Variants in SUPT3H observed in about 807,000 individuals in gnomAD.
SUPT3H encodes transcription initiation protein SPT3 homolog.
SUPT3H carries 44 observed loss-of-function variants against 44.3 expected under a neutral mutation model. The ratio of observed to expected loss-of-function variants is 0.99; its 90% CI spans 0.78 to 1.28. The LOEUF (loss-of-function observed/expected upper bound fraction) is 1.28. Among genes scored for constraint, SUPT3H ranks in the 50% most tolerant of loss-of-function variants. The pLI is 0.00. For synonymous variants in SUPT3H, 124 were observed against 125.6 expected (o/e 0.99, Z 0.09); for missense variants, 380 against 387.1 (o/e 0.98, Z 0.15).
chr6:45,341,727 A>G (rs1449636792), intron 2 of SUPT3H, among the ~76,000 whole-genome samples: 3 of 152,230 alleles, frequency 2.0e-5, no homozygotes, highest in Non-Finnish European at 4.4e-5. Flanking sequence ...AGCAGTAGCA[A>G]TATTATTACA....
chr6:44,998,750 GTCT>G (rs1412114522), intron 6 of SUPT3H, among the ~76,000 whole-genome samples: 3 of 151,748 alleles, frequency 2.0e-5, no homozygotes, highest in African/African-American at 7.3e-5. Context: ...TTAATTATAT[GTCT>G]TCTTTTTATT....
At chr6:44,889,632 A>C (rs1762947220) in intron 10 of SUPT3H, among the ~76,000 whole-genome samples, 1 of 152,206 alleles carries the variant, frequency 6.6e-6, no homozygotes, top group African/African-American at 2.4e-5. Context: ...TAAAGACTTA[A>C]ACGTTAGACC....
rs1774808557 is a variant in SUPT3H, at chr6:44,954,475, T to C, written c.693+20A>G. The C allele has an allele frequency of 2.6e-6, 4 of 1,563,442 alleles. No homozygotes were observed. Among genetic ancestry groups the C allele is most frequent in the Non-Finnish European group, 3.5e-6 (4 of 1,133,748 alleles). ...AAAAACCAGCCAGTGTGGCCCGATA[T>C]GACAGATTAGAATTCTTACCTGTGC... On this transcript the variant is annotated intron_variant, in intron 8 of 10. Transcript: ENST00000371459.
chr6:45,235,266 T>C (rs1162442336), intron 2 of SUPT3H, among the ~76,000 whole-genome samples: 2 of 152,260 alleles, frequency 1.3e-5, no homozygotes, highest in Admixed American at 6.5e-5. Flanking sequence ...TAAACACTTA[T>C]GAATAATTCT....
At chr6:44,950,697 G>C (rs1307158411) in intron 9 of SUPT3H, among the ~76,000 whole-genome samples, 1 of 151,844 alleles carries the variant, frequency 6.6e-6, no homozygotes, top group Non-Finnish European at 1.5e-5. Flanking sequence ...TATATGGTTA[G>C]TGCTCAAGAA....
At chr6:44,812,128 A>G (rs1766574116) in intron 11 of SUPT3H, among the ~76,000 whole-genome samples, 1 of 152,262 alleles carries the variant, frequency 6.6e-6, no homozygotes, top group African/African-American at 2.4e-5. Flanking sequence ...CAAATTTAGT[A>G]GCATAAATAC....
In SUPT3H at chr6:44,827,845, GTT is replaced by G. The variant is rs869131900; in HGVS notation, c.*1969_*1970del. Among the ~76,000 whole-genome samples the G allele has an allele frequency of 1.5e-5, 2 of 136,852 alleles. No individual in the cohort carries two copies. Among genetic ancestry groups the G allele is most frequent in the African/African-American group, 5.5e-5 (2 of 36,406 alleles). The allele number at this position is 136,852 out of a possible 152,430, so 89.8% of individuals were successfully genotyped here. A position where few individuals can be genotyped will look rare whatever the true frequency, so the allele number is the denominator to read the frequency against. On this transcript the variant is annotated 3_prime_UTR_variant, in exon 11 of 11. Transcript: ENST00000371459. ...ACTGGCTTATGATGAAAAATGAAAG[GTT>G]TTATATGAACTTACTGGGCAAAACC...
intron 10 of SUPT3H, among the ~76,000 whole-genome samples, chr6:44,845,043 C>T (rs1771635394): frequency 6.6e-6 from 1 of 152,010 alleles, no homozygotes; most frequent in South Asian, 2.1e-4. Flanking sequence ...AGTAAGTTTC[C>T]AAGTTGTTAG....
intron 10 of SUPT3H, among the ~76,000 whole-genome samples, chr6:44,833,807 C>T (rs1296740711): frequency 6.6e-6 from 1 of 152,142 alleles, no homozygotes; most frequent in African/African-American, 2.4e-5. Context: ...ACCCAGAGCA[C>T]TGTAGATACA....
chr6:45,204,080 C>A (rs753492298), intron 2 of SUPT3H, among the ~76,000 whole-genome samples: 13 of 152,006 alleles, frequency 8.6e-5, no homozygotes, highest in Non-Finnish European at 1.6e-4. Flanking sequence ...AACCCCATCT[C>A]TACTAAAAAT....
chr6:45,187,666 C>T (rs760377978), intron 2 of SUPT3H, among the ~76,000 whole-genome samples: 1 of 152,118 alleles, frequency 6.6e-6, no homozygotes, highest in Non-Finnish European at 1.5e-5. Context: ...TGAGGGGAAA[C>T]ACCTGATTTT....
intron 2 of SUPT3H, among the ~76,000 whole-genome samples, chr6:45,196,711 T>C (rs564977125): frequency 6.6e-6 from 1 of 152,074 alleles, no homozygotes; most frequent in South Asian, 2.1e-4. Context: ...TTATGCTTTC[T>C]GGATATCACT....
intron 2 of SUPT3H, among the ~76,000 whole-genome samples, chr6:45,341,989 T>C (rs1789872809): frequency 6.6e-6 from 1 of 152,020 alleles, no homozygotes; most frequent in African/African-American, 2.4e-5. Context: ...TTAGTAGTTA[T>C]TAACCTAGCA....
intron 2 of SUPT3H, among the ~76,000 whole-genome samples, chr6:45,320,176 A>T (rs1785263619): frequency 6.6e-6 from 1 of 152,168 alleles, no homozygotes; most frequent in African/African-American, 2.4e-5. Context: ...CTATTATAAT[A>T]TATAAATAAG....
chr6:45,189,500 A>G (rs753088364), intron 2 of SUPT3H, among the ~76,000 whole-genome samples: 1 of 152,190 alleles, frequency 6.6e-6, no homozygotes, highest in Non-Finnish European at 1.5e-5. Context: ...TCATGAGCCA[A>G]TCCTATTCAT....
At position 45,292,373 on chromosome 6, in the gene SUPT3H, A is replaced by C. The variant is rs1315981167; in HGVS notation, c.101+72828T>G. On this transcript the variant is annotated intron_variant, in intron 2 of 10. Transcript: ENST00000371459. ...ATCTCACAGGACCTATAAAACAAAA[A>C]TACAATTTTAAAAAACAAAAACAAA... Among the ~76,000 whole-genome samples, 11 of 152,100 alleles carry C rather than the reference A, an allele frequency of 7.2e-5. No individual in the cohort carries two copies. In the East Asian group the frequency reaches 2.1e-3, roughly 29 times the overall value.
rs552839725 is a variant in SUPT3H at position 45,077,137 on chromosome 6, T to C, written c.186+28785A>G. Among the ~76,000 whole-genome samples the C allele has an allele frequency of 6.4e-4, 98 of 152,298 alleles. 1 individual carries two copies. Among genetic ancestry groups the C allele is most frequent in the South Asian group, 5.2e-3 (25 of 4,826 alleles). On this transcript the variant is annotated intron_variant, in intron 3 of 10. Transcript: ENST00000371459. ...AAAAATGATTTCCCCCACGAAGCTT[T>C]CCCTCATTCTTTTAAGGAAGAAGTA...
At chr6:44,996,856 T>G (rs960885769) in intron 6 of SUPT3H, among the ~76,000 whole-genome samples, 1 of 151,782 alleles carries the variant, frequency 6.6e-6, no homozygotes, top group Non-Finnish European at 1.5e-5. Context: ...AGGTTAAGAG[T>G]TATCATTATG....
chr6:45,285,114 T>C (rs1376863750), intron 2 of SUPT3H, among the ~76,000 whole-genome samples: 4 of 151,762 alleles, frequency 2.6e-5, no homozygotes, highest in Non-Finnish European at 4.4e-5. Context: ...GAGCTATCTA[T>C]GACAAACCCA....
Sources: allele counts gnomAD v4.1 joint callset (sites outside exome capture counted in the v4.1 genomes callset), GRCh38; gene constraint gnomAD v4.1.1; transcripts MANE v1.5; gene names NCBI Gene and HGNC (gene_info 2026-07-23, HGNC 2026-07-21).